The following TENM1 variants were observed in gnomAD, a reference collection of about 807,000 sequenced individuals.
TENM1 encodes the protein teneurin-1.
Under a neutral mutation model 174.8 loss-of-function variants are expected in TENM1, and 35 were observed. The ratio of observed to expected loss-of-function variants is 0.20; its 90% CI spans 0.15 to 0.27. The LOEUF is 0.27. Among genes scored for constraint, TENM1 ranks in the 10% least tolerant of loss-of-function variants. The probability of loss-of-function intolerance (pLI) is 1.00; values close to 1 mark genes in which losing one functional copy is unlikely to be tolerated. For synonymous variants in TENM1, 781 were observed against 798.7 expected (o/e 0.98, Z 0.37); for missense variants, 1,633 against 2,130.1 (o/e 0.77, Z 4.59).
intron 27 of TENM1, among the ~76,000 whole-genome samples, chrX:124,402,873 AAATC>A (rs1569529326): frequency 9.0e-6 from 1 of 111,345 alleles, no homozygotes; most frequent in Non-Finnish European, 1.9e-5. Flanking sequence ...TGAAAAAAAA[AAATC>A]AAGGCATTTC....
chrX:124,946,938 A>AG (rs2058411749), intron 1 of TENM1, among the ~76,000 whole-genome samples: 1 of 110,624 alleles, frequency 9.0e-6, no homozygotes, highest in African/African-American at 3.3e-5. Context: ...AAAAAAAAAA[A>AG]AAAACTAAAA....
chrX:124,852,499 A>T (rs934843982), intron 3 of TENM1, among the ~76,000 whole-genome samples: 1 of 111,225 alleles, frequency 9.0e-6, no homozygotes, highest in Non-Finnish European at 1.9e-5. Context: ...TAGAATAAAT[A>T]AAAAAATGTA....
chrX:124,624,755 G>C (rs1379155296), intron 11 of TENM1, among the ~76,000 whole-genome samples: 1 of 111,661 alleles, frequency 9.0e-6, no homozygotes, highest in African/African-American at 3.3e-5. Context: ...GAGTTATAAG[G>C]ATGAGAAAAT....
the TENM1 span, among the ~76,000 whole-genome samples, chrX:125,056,305 A>G: frequency 8.9e-6 from 1 of 111,771 alleles, no homozygotes; most frequent in Non-Finnish European, 1.9e-5. Flanking sequence ...AAAGTTAAAA[A>G]AATCTCAATA....
At chrX:124,688,581 C>T (rs924004757) in intron 5 of TENM1, 2 of 141,910 alleles carry the variant, frequency 1.4e-5, no homozygotes, top group African/African-American at 6.3e-5. Flanking sequence ...TCCTTGCAGG[C>T]TTCACGAGAT....
the TENM1 span, among the ~76,000 whole-genome samples, chrX:124,973,494 C>T: frequency 8.1e-5 from 9 of 111,417 alleles, no homozygotes; most frequent in East Asian, 2.8e-4. Context: ...TTACTTTGGG[C>T]GGTATGGCCA....
At chrX:124,566,915 G>A (rs765879575) in intron 11 of TENM1, among the ~76,000 whole-genome samples, 1 of 111,947 alleles carries the variant, frequency 8.9e-6, no homozygotes, top group East Asian at 2.8e-4. Context: ...CTCTGTTTGC[G>A]TAAGAATGCA....
rs773016109 is a variant in TENM1 at position 124,838,524 on chromosome X, A to G, written c.535+55772T>C. ...TATCTGTAATATATAAAGAATTCCT[A>G]TGAGTCGATTAGAAAAATAAAAACT... On this transcript the variant is annotated intron_variant, in intron 3 of 31. Coordinates refer to ENST00000422452, the Ensembl canonical transcript of TENM1. Among the ~76,000 whole-genome samples, 7 of 111,711 alleles carry G rather than the reference A, an allele frequency of 6.3e-5. No individual in the cohort carries two copies. The East Asian group carries it at 1.7e-3, about 27-fold the overall frequency.
the TENM1 span, among the ~76,000 whole-genome samples, chrX:125,114,457 G>T: frequency 1.6e-3 from 180 of 111,337 alleles, no homozygotes; most frequent in African/African-American, 5.6e-3. Flanking sequence ...CCAGGAGCTG[G>T]TTTTTTGAAA....
chrX:124,471,541 ATATAT>A (rs1250575223), intron 22 of TENM1, among the ~76,000 whole-genome samples: 6 of 72,015 alleles, frequency 8.3e-5, no homozygotes, highest in East Asian at 4.0e-4. Context: ...ATATATAGTA[ATATAT>A]TATATATAAT....
intron 28 of TENM1, among the ~76,000 whole-genome samples, chrX:124,388,706 T>C (rs2060250361): frequency 8.9e-6 from 1 of 112,082 alleles, no homozygotes; most frequent in Non-Finnish European, 1.9e-5. Flanking sequence ...GTATGCTTAT[T>C]TGAACAAGAC....
At chrX:125,025,430 G>C in the TENM1 span, among the ~76,000 whole-genome samples, 1 of 111,675 alleles carries the variant, frequency 9.0e-6, no homozygotes, top group African/African-American at 3.3e-5. Flanking sequence ...AAGGAGAAGA[G>C]CAAAAAATAT....
intron 14 of TENM1, 53 bp from the exon 18 acceptor site, chrX:124,547,143 A>C: frequency 1.1e-6 from 1 of 940,179 alleles, no homozygotes; most frequent in Non-Finnish European, 1.5e-6. Flanking sequence ...AGAGAAAAAT[A>C]TAGTTTAAAA....
chrX:125,096,743 A>G, the TENM1 span, among the ~76,000 whole-genome samples: 5 of 111,028 alleles, frequency 4.5e-5, no homozygotes, highest in South Asian at 1.9e-3. Context: ...CTAAATGACC[A>G]TAAGGTTTCC....
chrX:124,738,592 T>A (rs1337975574), intron 3 of TENM1, among the ~76,000 whole-genome samples: 3 of 111,912 alleles, frequency 2.7e-5, no homozygotes, highest in Admixed American at 1.9e-4. Flanking sequence ...TATCCTTGTA[T>A]ATTTTAAAAG....
intron 11 of TENM1, among the ~76,000 whole-genome samples, chrX:124,594,196 T>A (rs1454720146): frequency 4.5e-5 from 5 of 111,954 alleles, no homozygotes; most frequent in African/African-American, 1.6e-4. Context: ...GGAAGCTCTC[T>A]GCCCCCTTGT....
At position 124,637,323 on chromosome X, in the gene TENM1, C is replaced by T. The variant is rs374217985; in HGVS notation, c.2077+4468G>A. 4.5e-5 allele frequency among the ~76,000 whole-genome samples: 5 copies of T among 110,323 alleles called. No individual in the cohort carries two copies. In the East Asian group the frequency reaches 1.1e-3, roughly 25 times the overall value. On this transcript the variant is annotated intron_variant, in intron 11 of 31. Transcript: ENST00000422452. ...CAGGCTGGTCTCGATTTCTTGACCT[C>T]GTGATGCACCTGCCTTGGCCTCTCA...
chrX:124,447,544 T>C (rs7064606), intron 23 of TENM1, among the ~76,000 whole-genome samples: 279 of 112,148 alleles, frequency 2.5e-3, no homozygotes, highest in African/African-American at 8.4e-3. Context: ...TCTCATTAAT[T>C]AGCACTCTAT....
At chrX:124,645,064 T>C in intron 10 of TENM1, 79 bp downstream of exon 13, 1 of 1,024,029 alleles carries the variant, frequency 9.8e-7, no homozygotes, top group Non-Finnish European at 1.4e-6. Flanking sequence ...CTTGCATCTC[T>C]ACTAGGAGAA....
Sources: allele counts gnomAD v4.1 joint callset (sites outside exome capture counted in the v4.1 genomes callset), GRCh38; gene constraint gnomAD v4.1.1; transcripts MANE v1.5; gene names NCBI Gene and HGNC (gene_info 2026-07-23, HGNC 2026-07-21).